The following CREB5 variants were observed in gnomAD, a reference collection of about 807,000 sequenced individuals.
The protein encoded by CREB5 is cAMP responsive element binding protein 5.
Under a neutral mutation model 57.1 loss-of-function variants are expected in CREB5, and 19 were observed. That is an observed-to-expected ratio of 0.33 (90% CI 0.23 to 0.49). The LOEUF is 0.49. Ranked by LOEUF, CREB5 falls within the 20% of genes least tolerant of loss-of-function variation. The pLI is 0.99. For synonymous variants in CREB5, 238 were observed against 238.3 expected (o/e 1.00, Z 0.01); for missense variants, 579 against 671.6 (o/e 0.86, Z 1.52).
intron 7 of CREB5, among the ~76,000 whole-genome samples, chr7:28,790,252 T>G (rs1413964007): frequency 2.0e-5 from 3 of 152,180 alleles, no homozygotes; most frequent in African/African-American, 7.2e-5. Context: ...GTCCTACTCA[T>G]AGCAAATGTT....
At chr7:28,742,879 T>G (rs1474465742) in intron 7 of CREB5, among the ~76,000 whole-genome samples, 1 of 152,182 alleles carries the variant, frequency 6.6e-6, no homozygotes, top group Non-Finnish European at 1.5e-5. Context: ...ACCTTCCAGA[T>G]TCAAGCGATT....
intron 1 of CREB5, among the ~76,000 whole-genome samples, chr7:28,468,893 T>C (rs1176148794): frequency 6.6e-6 from 1 of 152,230 alleles, no homozygotes; most frequent in African/African-American, 2.4e-5. Flanking sequence ...TCCAAGATCA[T>C]GTAGGTCTTA....
chr7:28,335,796 G>A (rs1220330464), intron 1 of CREB5, among the ~76,000 whole-genome samples: 1 of 151,970 alleles, frequency 6.6e-6, no homozygotes, highest in Non-Finnish European at 1.5e-5. Context: ...TGGATGAAAG[G>A]CTTTCAATTT....
chr7:28,507,458 T>C (rs1365173226), intron 3 of CREB5, among the ~76,000 whole-genome samples, 158 bp from the exon 4 acceptor site: 1 of 152,200 alleles, frequency 6.6e-6, no homozygotes, highest in East Asian at 1.9e-4. Flanking sequence ...GGTTTTATTT[T>C]CTTGCATATC....
intron 1 of CREB5, among the ~76,000 whole-genome samples, chr7:28,421,651 G>A (rs946327002): frequency 4.6e-5 from 7 of 151,872 alleles, no homozygotes; most frequent in Non-Finnish European, 1.0e-4. Context: ...ATCTGGGTGA[G>A]CCCTGTGTGT....
At chr7:28,654,194 A>G (rs1438033922) in intron 5 of CREB5, among the ~76,000 whole-genome samples, 1 of 152,200 alleles carries the variant, frequency 6.6e-6, no homozygotes, top group Admixed American at 6.5e-5. Context: ...ACTATAGCAC[A>G]TACTCCCTCA....
chr7:28,578,289 T>C (rs1424280502), intron 5 of CREB5, among the ~76,000 whole-genome samples: 1 of 152,072 alleles, frequency 6.6e-6, no homozygotes, highest in Admixed American at 6.6e-5. Flanking sequence ...GTATTTCCTG[T>C]TTACAAATCC....
intron 1 of CREB5, among the ~76,000 whole-genome samples, chr7:28,484,497 A>G (rs1161204003): frequency 6.6e-6 from 1 of 152,200 alleles, no homozygotes; most frequent in Non-Finnish European, 1.5e-5. Context: ...GCAGGGCATC[A>G]GAATAAAGCA....
At position 28,338,341 on chromosome 7, in the gene CREB5, G is replaced by T; in HGVS notation, c.-25+38900G>T. Among the ~76,000 whole-genome samples the T allele has an allele frequency of 1.3e-5, 2 of 152,018 alleles. 1 individual carries two copies. Among genetic ancestry groups the T allele is most frequent in the East Asian group, 3.9e-4 (2 of 5,188 alleles). On this transcript the variant is annotated intron_variant, in intron 1 of 9. Transcript: ENST00000396299. ...AAATCCCTCAGTTTTTGTTCATCTGGGAAAGTCTTTATTTCTCCTTCATGT... is the reference window on the plus strand; with the variant it reads ...AAATCCCTCAGTTTTTGTTCATCTGTGAAAGTCTTTATTTCTCCTTCATGT...
chr7:28,329,852 T>G (rs527648134), intron 1 of CREB5, among the ~76,000 whole-genome samples: 1 of 152,376 alleles, frequency 6.6e-6, no homozygotes, highest in Admixed American at 6.5e-5. Context: ...TGCCATCCCA[T>G]GTGGCACTGG....
At chr7:28,488,078 G>A (rs949182461) in intron 1 of CREB5, 97 bp from the exon 2 acceptor site, 2 of 1,021,292 alleles carry the variant, frequency 2.0e-6, no homozygotes, top group Non-Finnish European at 3.0e-6. Context: ...CATAGAAAGG[G>A]GGCTCTGAGT....
intron 4 of CREB5, among the ~76,000 whole-genome samples, chr7:28,509,747 A>G (rs984370379): frequency 2.6e-5 from 4 of 152,250 alleles, no homozygotes; most frequent in African/African-American, 9.6e-5. Flanking sequence ...TTGCAGCTGT[A>G]GAAACATGTT....
At chr7:28,355,183 A>C (rs1237950826) in intron 1 of CREB5, among the ~76,000 whole-genome samples, 1 of 152,204 alleles carries the variant, frequency 6.6e-6, no homozygotes, top group Non-Finnish European at 1.5e-5. Context: ...TCTATAGTGC[A>C]TCTGTTATGG....
chr7:28,369,052 C>T (rs925987223), intron 1 of CREB5, among the ~76,000 whole-genome samples: 27 of 129,268 alleles, frequency 2.1e-4, no homozygotes, highest in Non-Finnish European at 4.2e-4. Context: ...CTCAAAAAAA[C>T]AAAACAAACA....
At chr7:28,584,826 A>C (rs1796251372) in intron 5 of CREB5, among the ~76,000 whole-genome samples, 3 of 152,070 alleles carry the variant, frequency 2.0e-5, no homozygotes, top group Admixed American at 2.0e-4. Flanking sequence ...ATTGAACTGT[A>C]ACAGATGTGG....
intron 4 of CREB5, among the ~76,000 whole-genome samples, chr7:28,556,866 C>T (rs1488204891): frequency 6.6e-6 from 1 of 152,204 alleles, no homozygotes; most frequent in Non-Finnish European, 1.5e-5. Flanking sequence ...CTCCTAGCTC[C>T]TTCAGTTGGC....
At chr7:28,496,685 G>C (rs1792069022) in intron 3 of CREB5, among the ~76,000 whole-genome samples, 1 of 152,134 alleles carries the variant, frequency 6.6e-6, no homozygotes, top group Non-Finnish European at 1.5e-5. Flanking sequence ...CACACATCCA[G>C]TGACTTGTTG....
At chr7:28,708,130 A>G (rs1384206774) in intron 5 of CREB5, among the ~76,000 whole-genome samples, 1 of 152,198 alleles carries the variant, frequency 6.6e-6, no homozygotes, top group Non-Finnish European at 1.5e-5. Context: ...CTGTTAGGAT[A>G]TAACCCAGTG....
chr7:28,543,921 C>G (rs1794313064), intron 4 of CREB5, among the ~76,000 whole-genome samples: 1 of 149,440 alleles, frequency 6.7e-6, no homozygotes, highest in Non-Finnish European at 1.5e-5. Context: ...GCTTTCTCCC[C>G]TGTAAAATGG....
Sources: gnomAD v4.1 joint callset for allele counts (sites outside exome capture counted in the v4.1 genomes callset) on GRCh38, gnomAD v4.1.1 for gene constraint, MANE v1.5 for transcripts, NCBI Gene and HGNC (gene_info 2026-07-23, HGNC 2026-07-21) for gene names.